RANBP2: variants seen among roughly 807,000 people sequenced by gnomAD.
RANBP2 encodes RAN binding protein 2.
RANBP2 carries 57 observed loss-of-function variants against 303.6 expected under a neutral mutation model. The observed-to-expected ratio is 0.19, with a 90% confidence interval of 0.15 to 0.23. RANBP2 has a LOEUF of 0.23. Ranked by LOEUF, RANBP2 falls within the 10% of genes least tolerant of loss-of-function variation. The pLI is 1.00. For missense variants in RANBP2, 3,138 were observed against 3,780.8 expected (o/e 0.83, Z 4.46); for synonymous variants, 1,167 against 1,301.5 (o/e 0.90, Z 2.23).
chr2:109,340,136 G>A, the RANBP2 span, among the ~76,000 whole-genome samples: 1 of 152,302 alleles, frequency 6.6e-6, no homozygotes, highest in East Asian at 1.9e-4. Context: ...CTTTGAGGGG[G>A]TGATGTGTGT....
the RANBP2 span, among the ~76,000 whole-genome samples, chr2:109,316,328 T>G: frequency 4.6e-5 from 7 of 152,124 alleles, no homozygotes; most frequent in South Asian, 2.1e-4. Flanking sequence ...GGAGGACATG[T>G]TGCCAGGTGA....
the RANBP2 span, among the ~76,000 whole-genome samples, chr2:109,724,082 G>A: frequency 6.6e-6 from 1 of 152,100 alleles, no homozygotes; most frequent in Admixed American, 6.6e-5. Flanking sequence ...GGTTGTAGGT[G>A]TGCAGTCTTA....
chr2:108,984,142 C>T, the RANBP2 span, among the ~76,000 whole-genome samples: 14 of 152,090 alleles, frequency 9.2e-5, no homozygotes, highest in South Asian at 2.1e-4. Context: ...CATGTGTTAA[C>T]GGCCAAGGGA....
At chr2:109,221,981 T>TA in the RANBP2 span, among the ~76,000 whole-genome samples, 11,114 of 145,316 alleles carry the variant, frequency 0.076, 1,343 homozygotes, top group African/African-American at 0.26. Flanking sequence ...ATGAATGGAT[T>TA]AAAAAAAAAA....
chr2:109,355,572 A>G, the RANBP2 span, among the ~76,000 whole-genome samples: 4 of 152,346 alleles, frequency 2.6e-5, no homozygotes, highest in East Asian at 7.7e-4. Flanking sequence ...CTGACCTGTG[A>G]CATAGAGCAC....
At chr2:109,414,644 G>C in the RANBP2 span, among the ~76,000 whole-genome samples, 1 of 152,112 alleles carries the variant, frequency 6.6e-6, no homozygotes, top group Non-Finnish European at 1.5e-5. Flanking sequence ...CTGCTGCCCA[G>C]GCCAGTCCCT....
At chr2:109,209,012 T>C in the RANBP2 span, among the ~76,000 whole-genome samples, 1 of 152,210 alleles carries the variant, frequency 6.6e-6, no homozygotes, top group Non-Finnish European at 1.5e-5. Flanking sequence ...CACGGACATA[T>C]GGACCCAGAG....
chr2:109,054,065 G>A, the RANBP2 span, among the ~76,000 whole-genome samples: 30 of 152,290 alleles, frequency 2.0e-4, no homozygotes, highest in East Asian at 5.2e-3. Context: ...TCTGCAAGGC[G>A]TGTTCATGGT....
At chr2:109,407,064 A>C in the RANBP2 span, among the ~76,000 whole-genome samples, 1 of 152,206 alleles carries the variant, frequency 6.6e-6, no homozygotes, top group Admixed American at 6.5e-5. Flanking sequence ...GTGTGCAAGC[A>C]TATACCCACT....
the RANBP2 span, among the ~76,000 whole-genome samples, chr2:108,833,325 C>G: frequency 6.6e-6 from 1 of 152,304 alleles, no homozygotes; most frequent in Non-Finnish European, 1.5e-5. Context: ...ATGGAAGGTA[C>G]TGGCAGGTGG....
the RANBP2 span, among the ~76,000 whole-genome samples, chr2:108,904,722 A>G: frequency 6.6e-6 from 1 of 152,224 alleles, no homozygotes; most frequent in Non-Finnish European, 1.5e-5. Context: ...CCACGGTTAC[A>G]TACCTTGTGA....
the RANBP2 span, among the ~76,000 whole-genome samples, chr2:109,456,963 T>G: frequency 6.6e-6 from 1 of 152,064 alleles, no homozygotes; most frequent in African/African-American, 2.4e-5. Context: ...AAGCTTGAAT[T>G]TGGAGGAGGA....
chr2:108,764,645 C>G lies in RANBP2; in HGVS notation c.4106C>G (p.Ala1369Gly). Residue 1369 changes from alanine (A) to glycine (G), a missense_variant, in exon 20 of 29, where the codon GCT (alanine) becomes GGT (glycine). Ala to Gly is a moderately conservative substitution (Grantham distance 60). Around this residue, in one of 20 missense-constraint regions of RANBP2, gnomAD observed 388 missense variants for 328.5 expected, o/e 1.18. Transcript: ENST00000283195. ...NSCSLKNAST[A>G]KKCVSCQNLN... ...TGCTCATTAAAGAATGCTTCAACTGCTAAGAAATGTGTATCATGCCAAAAT... is the reference window on the plus strand; with the variant it reads ...TGCTCATTAAAGAATGCTTCAACTGGTAAGAAATGTGTATCATGCCAAAAT... 5 of 1,613,974 alleles carry G rather than the reference C, an allele frequency of 3.1e-6. No homozygotes were observed. The highest frequency in any genetic ancestry group is 4.2e-6 in the Non-Finnish European group (5 of 1,179,938).
chr2:109,044,489 C>T, the RANBP2 span, among the ~76,000 whole-genome samples: 1 of 152,040 alleles, frequency 6.6e-6, no homozygotes, highest in African/African-American at 2.4e-5. Context: ...CGCCACTGCA[C>T]TGCAGCCTGG....
chr2:109,475,660 G>A, the RANBP2 span, among the ~76,000 whole-genome samples: 3 of 152,148 alleles, frequency 2.0e-5, no homozygotes, highest in Non-Finnish European at 2.9e-5. Context: ...GTAGGATGTC[G>A]AGCAGCATCC....
the RANBP2 span, among the ~76,000 whole-genome samples, chr2:108,919,148 C>T: frequency 3.3e-5 from 5 of 152,116 alleles, no homozygotes; most frequent in Non-Finnish European, 7.4e-5. Flanking sequence ...CTGGGAGGCC[C>T]GCTTCACACC....
chr2:109,310,082 T>A, the RANBP2 span, among the ~76,000 whole-genome samples: 1 of 107,834 alleles, frequency 9.3e-6, no homozygotes, highest in Non-Finnish European at 1.7e-5. Context: ...ATTGACCACA[T>A]GGTTGGAAGT....
chr2:109,727,088 C>T, the RANBP2 span, among the ~76,000 whole-genome samples: 1 of 152,228 alleles, frequency 6.6e-6, no homozygotes, highest in East Asian at 1.9e-4. Flanking sequence ...AAGCACTGTG[C>T]ATCACCTTCA....
chr2:109,285,285 C>T, the RANBP2 span, among the ~76,000 whole-genome samples: 1 of 152,238 alleles, frequency 6.6e-6, no homozygotes, highest in African/African-American at 2.4e-5. Flanking sequence ...CCTTTCCACA[C>T]CTCCTCATAA....
Sources: allele counts gnomAD v4.1 joint callset (sites outside exome capture counted in the v4.1 genomes callset), GRCh38; gene constraint gnomAD v4.1.1; regional missense constraint gnomAD v4.1.1; transcripts MANE v1.5; gene names NCBI Gene and HGNC (gene_info 2026-07-23, HGNC 2026-07-21).